Variants in MPHOSPH6 observed in about 807,000 individuals in gnomAD.
MPHOSPH6 encodes the protein M-phase phosphoprotein 6.
MPHOSPH6 carries 25 observed loss-of-function variants against 21.8 expected under a neutral mutation model. That is an observed-to-expected ratio of 1.15 (90% CI 0.83 to 1.60). MPHOSPH6 has a LOEUF of 1.60. Ranked by LOEUF, MPHOSPH6 falls within the 40% of genes most tolerant of loss-of-function variation. The pLI, the probability that MPHOSPH6 is intolerant of heterozygous loss-of-function variation, is 0.00. For synonymous variants in MPHOSPH6, 84 were observed against 56.5 expected, an observed-to-expected ratio of 1.49 and a Z score of -2.18; for missense variants, 269 against 181.8, an observed-to-expected ratio of 1.48 and a Z score of -2.76.
chr16:82,164,997 T>C (rs1906719513), intron 1 of MPHOSPH6: 1 of 151,740 alleles, frequency 6.6e-6, no homozygotes, highest in Non-Finnish European at 1.5e-5. Flanking sequence ...AGATAAAATA[T>C]CAACACTGGA....
At chr16:82,150,449 C>A (rs932330955) in intron 3 of MPHOSPH6, among the ~76,000 whole-genome samples, 3 of 152,162 alleles carry the variant, frequency 2.0e-5, no homozygotes, top group Non-Finnish European at 4.4e-5. Context: ...TTAATTATCA[C>A]ACATGCCTCC....
intron 2 of MPHOSPH6, among the ~76,000 whole-genome samples, chr16:82,157,817 G>C (rs757410105): frequency 3.2e-4 from 48 of 152,292 alleles, no homozygotes; most frequent in Admixed American, 1.3e-3. Context: ...CCCATAAGTG[G>C]GGGCCCTGAG....
chr16:82,163,893 A>G (rs1043440039), intron 2 of MPHOSPH6, 189 bp downstream of exon 2: 49 of 496,614 alleles, frequency 9.9e-5, no homozygotes. Flanking sequence ...TGGGAGGGGG[A>G]GTAGTAAAAA....
intron 2 of MPHOSPH6, among the ~76,000 whole-genome samples, chr16:82,155,236 T>C (rs191922707): frequency 6.6e-5 from 10 of 152,342 alleles, no homozygotes; most frequent in East Asian, 1.9e-4. Flanking sequence ...TCATGTGTAA[T>C]AGAGAGAAAG....
chr16:82,159,636 G>T (rs1228429339), intron 2 of MPHOSPH6, among the ~76,000 whole-genome samples: 3 of 152,140 alleles, frequency 2.0e-5, no homozygotes, highest in Non-Finnish European at 2.9e-5. Context: ...TCGATCTCCT[G>T]ACGTCGTGAT....
intron 2 of MPHOSPH6, among the ~76,000 whole-genome samples, chr16:82,161,536 C>A (rs932407183): frequency 6.6e-6 from 1 of 152,336 alleles, no homozygotes; most frequent in East Asian, 1.9e-4. Context: ...ATAGCAAAAT[C>A]TTTCATCTGG....
intron 1 of MPHOSPH6, among the ~76,000 whole-genome samples, chr16:82,168,237 C>G (rs1451925415): frequency 6.6e-6 from 1 of 152,150 alleles, no homozygotes; most frequent in Non-Finnish European, 1.5e-5. Context: ...CTGCTAAAAT[C>G]TTTCCAATAT....
intron 1 of MPHOSPH6, 99 bp downstream of exon 1, chr16:82,170,026 T>C: frequency 1.5e-6 from 2 of 1,351,466 alleles, no homozygotes; most frequent in Non-Finnish European, 2.0e-6. Flanking sequence ...CTCTGAGGCC[T>C]CTCTGGTGTC....
chr16:82,151,290 C>T (rs746306231), intron 3 of MPHOSPH6, 134 bp downstream of exon 3: 28 of 1,270,908 alleles, frequency 2.2e-5, no homozygotes, highest in South Asian at 2.7e-5. Context: ...ATAGCTATGG[C>T]GATATTTCAA....
chr16:82,151,372 GA>G (rs1567611567), intron 3 of MPHOSPH6, 51 bp downstream of exon 3: 1 of 1,594,070 alleles, frequency 6.3e-7, no homozygotes, highest in Non-Finnish European at 8.5e-7. Flanking sequence ...ATTATTAGCA[GA>G]AAAAAATTCA....
At chr16:82,158,168 G>A (rs902965701) in intron 2 of MPHOSPH6, among the ~76,000 whole-genome samples, 1 of 151,790 alleles carries the variant, frequency 6.6e-6, no homozygotes, top group Non-Finnish European at 1.5e-5. Flanking sequence ...AAAAATATTC[G>A]GTATACGAAA....
In MPHOSPH6 at chr16:82,148,874, G is replaced by A. The variant is rs769391249; in HGVS notation, c.351-11C>T. 3.7e-6 allele frequency: 6 copies of A among 1,613,736 alleles called. No individual in the cohort carries two copies. The East Asian group carries it at 6.7e-5, about 18-fold the overall frequency. ...ACCAAGGTCTCATATCTGTCAAGAG[G>A]ACAGGCAGCACACGTTTAATTTCAA... On this transcript the variant is annotated splice_polypyrimidine_tract_variant and intron_variant, in intron 4 of 4. Transcript: ENST00000258169.
At chr16:82,152,977 C>G (rs112956990) in intron 2 of MPHOSPH6, among the ~76,000 whole-genome samples, 2 of 152,120 alleles carry the variant, frequency 1.3e-5, no homozygotes, top group African/African-American at 2.4e-5. Flanking sequence ...GTAAAAGAGC[C>G]TCAGCTGGGC....
At chr16:82,165,314 C>T (rs755002715) in intron 1 of MPHOSPH6, among the ~76,000 whole-genome samples, 2 of 151,282 alleles carry the variant, frequency 1.3e-5, no homozygotes, top group Non-Finnish European at 2.9e-5. Flanking sequence ...TTAGTAGAGA[C>T]GGGGGTTCAC....
At chr16:82,168,075 T>G (rs930934276) in intron 1 of MPHOSPH6, among the ~76,000 whole-genome samples, 1 of 152,232 alleles carries the variant, frequency 6.6e-6, no homozygotes, top group Admixed American at 6.5e-5. Context: ...ATCTTTTTCC[T>G]TCTCCTTTGC....
chr16:82,164,716 C>A (rs1168817100), intron 1 of MPHOSPH6: 1 of 152,826 alleles, frequency 6.5e-6, no homozygotes, highest in Non-Finnish European at 1.5e-5. Flanking sequence ...TCTGGGTCAT[C>A]TCCTTCATCT....
intron 2 of MPHOSPH6, among the ~76,000 whole-genome samples, chr16:82,155,372 T>C (rs1906396392): frequency 6.6e-6 from 1 of 152,206 alleles, no homozygotes; most frequent in Non-Finnish European, 1.5e-5. Context: ...ATAACTGTCT[T>C]TTTTTGCAGA....
At chr16:82,162,673 C>G (rs989103704) in intron 2 of MPHOSPH6, among the ~76,000 whole-genome samples, 11 of 152,168 alleles carry the variant, frequency 7.2e-5, no homozygotes, top group African/African-American at 2.2e-4. Context: ...CGAGGGGCCC[C>G]CCTATGCCCC....
chr16:82,158,486 G>T (rs1171813005), intron 2 of MPHOSPH6, among the ~76,000 whole-genome samples: 1 of 127,208 alleles, frequency 7.9e-6, no homozygotes. Flanking sequence ...GTGACAGAGC[G>T]AGACTCCGTC....
Sources: gnomAD v4.1 joint callset for allele counts (sites outside exome capture counted in the v4.1 genomes callset) on GRCh38, gnomAD v4.1.1 for gene constraint, MANE v1.5 for transcripts, NCBI Gene and HGNC (gene_info 2026-07-23, HGNC 2026-07-21) for gene names.